TSPAN17: variants seen among roughly 807,000 people sequenced by gnomAD.
TSPAN17 encodes tetraspanin 17.
In TSPAN17, 33 loss-of-function variants were observed where a neutral mutation model predicts 40.5. That is an observed-to-expected ratio of 0.81 (90% CI 0.62 to 1.09). The LOEUF (loss-of-function observed/expected upper bound fraction) is 1.09, where lower values mean the gene tolerates loss of function less well. Ranked by LOEUF, TSPAN17 falls within the 50% of genes least tolerant of loss-of-function variation. The pLI, the probability that TSPAN17 is intolerant of heterozygous loss-of-function variation, is 0.00. For missense variants in TSPAN17, 365 were observed against 416.8 expected (o/e 0.88, Z 1.08); for synonymous variants, 166 against 169.4 (o/e 0.98, Z 0.15).
intron 1 of TSPAN17, among the ~76,000 whole-genome samples, chr5:176,649,777 C>A (rs1760893262): frequency 6.6e-6 from 1 of 152,186 alleles, no homozygotes; most frequent in South Asian, 2.1e-4. Context: ...GCCTCCAGGG[C>A]CCCGCGGGGC....
At chr5:176,656,600 C>T (rs1425938824) in intron 6 of TSPAN17, 100 bp from the exon 7 acceptor site, 10 of 1,136,690 alleles carry the variant, frequency 8.8e-6, no homozygotes, top group Admixed American at 1.7e-5. Flanking sequence ...GCAGGTACTG[C>T]AGGTTTAGAC....
At chr5:176,652,721 C>A in intron 3 of TSPAN17, 22 bp from the exon 4 acceptor site, 1 of 1,613,164 alleles carries the variant, frequency 6.2e-7, no homozygotes. Context: ...CCAACCCCTA[C>A]TGTCTGTATG....
intron 5 of TSPAN17, among the ~76,000 whole-genome samples, chr5:176,655,535 A>G (rs4867843): frequency 0.77 from 117,380 of 151,870 alleles, 46,335 homozygotes; most frequent in Non-Finnish European, 0.86. Context: ...GATGCCAAGG[A>G]CCAGGTTTCT....
Position 176,657,857 on chromosome 5 carries a change from C to G in TSPAN17, c.*159C>G. 3.0e-6 allele frequency: 4 copies of G among 1,332,242 alleles called. No individual in the cohort carries two copies. In the South Asian group the frequency reaches 4.8e-5, roughly 16 times the overall value. 82.5% of individuals were successfully genotyped at this position (1,332,242 alleles called of 1,614,324 possible). On this transcript the variant is annotated 3_prime_UTR_variant, in exon 9 of 9. Transcript: ENST00000508164. Reference sequence around the variant, plus strand: ...ACCTAAGTGCCGCCTGACCCTTGTACACTAGGAGCTGGCCTCCCACCTCTG... The same window carrying G: ...ACCTAAGTGCCGCCTGACCCTTGTAGACTAGGAGCTGGCCTCCCACCTCTG...
chr5:176,657,162 T>C (rs1358592101), intron 8 of TSPAN17: 1 of 628,420 alleles, frequency 1.6e-6, no homozygotes, highest in African/African-American at 1.8e-5. Flanking sequence ...TTGTCCCATA[T>C]GCGTGTGTAC....
At position 176,647,635 on chromosome 5, in the gene TSPAN17, AT is replaced by A; in HGVS notation, c.23del (p.Phe8SerfsTer48). On this transcript the variant is annotated frameshift_variant, in exon 1 of 9. Transcript: ENST00000508164. LOFTEE classifies it high-confidence loss of function. Reference sequence around the variant, plus strand: ...CTCACCATGCCCGGCAAGCACCAGCATTTCCAGGAACCTGAGGTCGGCTGCT... The same window carrying A: ...CTCACCATGCCCGGCAAGCACCAGCATTCCAGGAACCTGAGGTCGGCTGCT... MPGKHQHFQEPEVGCCG... is the reference protein window; with the variant it reads MPGKHQXFQEPEVGCCG... The A allele has an allele frequency of 6.3e-7, 1 of 1,593,364 alleles. No individual in the cohort carries two copies. The highest frequency in any genetic ancestry group is 8.5e-7 in the Non-Finnish European group (1 of 1,171,104).
intron 3 of TSPAN17, 149 bp downstream of exon 3, chr5:176,652,049 T>C: frequency 1.1e-6 from 1 of 923,984 alleles, no homozygotes; most frequent in Non-Finnish European, 1.6e-6. Context: ...CTAGGATCCT[T>C]TCCGTGGTAT....
intron 1 of TSPAN17, 38 bp downstream of exon 1, chr5:176,647,740 G>A: frequency 1.3e-6 from 2 of 1,536,454 alleles, no homozygotes; most frequent in Non-Finnish European, 1.8e-6. Flanking sequence ...GTGCTGGGGG[G>A]TGGTGGGAGA....
intron 1 of TSPAN17, among the ~76,000 whole-genome samples, chr5:176,648,240 T>C (rs1760823014): frequency 6.6e-6 from 1 of 152,150 alleles, no homozygotes; most frequent in Non-Finnish European, 1.5e-5. Flanking sequence ...ACAAGGAGGC[T>C]GACCTGCCAG....
intron 5 of TSPAN17, 52 bp downstream of exon 5, chr5:176,655,072 T>C: frequency 6.4e-7 from 1 of 1,551,658 alleles, no homozygotes; most frequent in Non-Finnish European, 8.7e-7. Context: ...GCACAGACTC[T>C]GGAGAAACCT....
chr5:176,656,846 C>G (rs1561588914), intron 7 of TSPAN17, 30 bp downstream of exon 7: 2 of 1,614,026 alleles, frequency 1.2e-6, no homozygotes, highest in Non-Finnish European at 1.7e-6. Flanking sequence ...TGCCCCTCCC[C>G]TTGCCGGGGC....
At chr5:176,655,570 G>A (rs1761121011) in intron 5 of TSPAN17, among the ~76,000 whole-genome samples, 1 of 152,108 alleles carries the variant, frequency 6.6e-6, no homozygotes, top group Non-Finnish European at 1.5e-5. Context: ...CACACCAGCA[G>A]GCAGGATTCC....
At chr5:176,653,949 G>A (rs920960858) in intron 4 of TSPAN17, 1 of 152,254 alleles carries the variant, frequency 6.6e-6, no homozygotes, top group South Asian at 2.1e-4. Flanking sequence ...AAACAAATGT[G>A]TGCATGTACA....
chr5:176,647,871 G>C (rs1222026230), intron 1 of TSPAN17, among the ~76,000 whole-genome samples, 169 bp downstream of exon 1: 1 of 152,134 alleles, frequency 6.6e-6, no homozygotes, highest in Non-Finnish European at 1.5e-5. Context: ...GGTAGCTACA[G>C]AGGCCCGGAT....
intron 8 of TSPAN17, chr5:176,657,309 T>TCC (rs3833637): frequency 4.7e-6 from 4 of 854,090 alleles, no homozygotes; most frequent in Non-Finnish European, 7.0e-6. Flanking sequence ...GTGTGGAGGG[T>TCC]CCCCCCCGTT....
intron 8 of TSPAN17, 54 bp downstream of exon 8, chr5:176,657,010 G>T (rs566561020): frequency 1.1e-5 from 17 of 1,574,588 alleles, no homozygotes; most frequent in Non-Finnish European, 1.5e-5. Flanking sequence ...GCCTCTGGGG[G>T]GCCCCCCAGG....
In TSPAN17 at chr5:176,650,776, G is replaced by A. The variant is rs969416202; in HGVS notation, c.88-840G>A. On this transcript the variant is annotated intron_variant, in intron 1 of 8. Coordinates refer to ENST00000508164, the MANE Select transcript of TSPAN17 (RefSeq NM_130465.5). This position sits in a 1 kb window ranked among gnomAD's most constrained non-coding sequence, Gnocchi z 4.0. ...GGGTGGGGAGGTCGCAGGAGGTGGG[G>A]TCATGGCCCTGGGCTTGGGTACGAC... 6.6e-6 allele frequency among the ~76,000 whole-genome samples: 1 copy of A among 152,204 alleles called. No individual in the cohort carries two copies. Among genetic ancestry groups the A allele is most frequent in the African/African-American group, 2.4e-5 (1 of 41,454 alleles).
At chr5:176,652,234 G>T (rs1479644104) in intron 3 of TSPAN17, among the ~76,000 whole-genome samples, 2 of 152,210 alleles carry the variant, frequency 1.3e-5, no homozygotes, top group Non-Finnish European at 2.9e-5. Context: ...TTCCCAGGTG[G>T]CAGGAGGCTC....
At chr5:176,657,095 C>G in intron 8 of TSPAN17, 139 bp downstream of exon 8, 1 of 905,754 alleles carries the variant, frequency 1.1e-6, no homozygotes, top group African/African-American at 1.7e-5. Flanking sequence ...AGGGGTTCGC[C>G]TGAACCGCTG....
Sources: gnomAD v4.1 joint callset for allele counts (sites outside exome capture counted in the v4.1 genomes callset) on GRCh38, gnomAD v4.1.1 for gene constraint, Gnocchi (gnomAD v3.1) non-coding constraint, MANE v1.5 for transcripts, NCBI Gene and HGNC (gene_info 2026-07-23, HGNC 2026-07-21) for gene names.